MPZL1: variants seen among roughly 807,000 people sequenced by gnomAD.
MPZL1 encodes myelin protein zero-like protein 1.
Under a neutral mutation model 29.3 loss-of-function variants are expected in MPZL1, and 16 were observed. That is an observed-to-expected ratio of 0.55 (90% CI 0.37 to 0.83). MPZL1 has a LOEUF of 0.83. MPZL1 is among the 40% of genes least tolerant of loss of function. The pLI, the probability that MPZL1 is intolerant of heterozygous loss-of-function variation, is 0.00. For missense variants in MPZL1, 279 were observed against 332.9 expected (o/e 0.84, Z 1.26); for synonymous variants, 143 against 132.0 (o/e 1.08, Z -0.57).
chr1:167,743,200 TATC>T (rs971786498), intron 1 of MPZL1, among the ~76,000 whole-genome samples: 1 of 151,852 alleles, frequency 6.6e-6, no homozygotes, highest in African/African-American at 2.4e-5. Context: ...CTTTTGGCAG[TATC>T]ATCATTTTCA....
intron 5 of MPZL1, among the ~76,000 whole-genome samples, chr1:167,777,630 CT>C (rs1253770507): frequency 1.7e-4 from 26 of 152,314 alleles, no homozygotes; most frequent in African/African-American, 5.8e-4. Flanking sequence ...GCGGGGTCCC[CT>C]TGAGTCTTTG....
At chr1:167,739,878 A>G (rs748759974) in intron 1 of MPZL1, among the ~76,000 whole-genome samples, 9 of 152,112 alleles carry the variant, frequency 5.9e-5, no homozygotes, top group Non-Finnish European at 1.2e-4. Context: ...TTCAAGCACC[A>G]TATCCTTTTA....
chr1:167,737,671 C>T (rs1660403201), intron 1 of MPZL1, among the ~76,000 whole-genome samples: 1 of 152,170 alleles, frequency 6.6e-6, no homozygotes, highest in Non-Finnish European at 1.5e-5. Context: ...TAGCCTAAAA[C>T]ACCCCTTTCT....
At chr1:167,737,228 A>G (rs1274811123) in intron 1 of MPZL1, among the ~76,000 whole-genome samples, 1 of 152,242 alleles carries the variant, frequency 6.6e-6, no homozygotes, top group Admixed American at 6.5e-5. Context: ...TGTTTAGTAT[A>G]TATTAGATGA....
intron 1 of MPZL1, among the ~76,000 whole-genome samples, chr1:167,760,128 A>G (rs1314890799): frequency 1.3e-5 from 2 of 152,334 alleles, no homozygotes; most frequent in Non-Finnish European, 1.5e-5. Context: ...GTGAAAGATG[A>G]CAGTGGCTTG....
In MPZL1 at chr1:167,776,207, A is replaced by G. The variant is rs746302861; in HGVS notation, c.708+41A>G. 15 of 1,451,092 alleles carry G rather than the reference A, an allele frequency of 1.0e-5. No individual in the cohort carries two copies. The South Asian group carries it at 1.1e-4, about 10-fold the overall frequency. 89.9% of individuals were successfully genotyped at this position (1,451,092 alleles called of 1,614,324 possible). On this transcript the variant is annotated intron_variant, in intron 5 of 5. Transcript: ENST00000359523. ...GATTCTGCCCACTGCACTGTTCCCT[A>G]CAGCTTGGTGCTCTGTCACTTCCTT...
chr1:167,745,784 C>G (rs1370771648), intron 1 of MPZL1, among the ~76,000 whole-genome samples: 1 of 151,956 alleles, frequency 6.6e-6, no homozygotes, highest in African/African-American at 2.4e-5. Flanking sequence ...TGCCAGAAGC[C>G]AGGGAGACGC....
intron 1 of MPZL1, among the ~76,000 whole-genome samples, chr1:167,730,075 T>C (rs1286459979): frequency 6.6e-6 from 1 of 152,148 alleles, no homozygotes; most frequent in Non-Finnish European, 1.5e-5. Context: ...GCTTTTTAGC[T>C]GTCCTGGGGC....
At chr1:167,739,298 T>TATAC (rs1660462298) in intron 1 of MPZL1, among the ~76,000 whole-genome samples, 1 of 116,714 alleles carries the variant, frequency 8.6e-6, no homozygotes, top group African/African-American at 4.7e-5. Flanking sequence ...TATATATATA[T>TATAC]ATATATATAT....
intron 1 of MPZL1, among the ~76,000 whole-genome samples, chr1:167,724,903 T>C (rs1660110464): frequency 6.6e-6 from 1 of 151,972 alleles, no homozygotes; most frequent in Non-Finnish European, 1.5e-5. Context: ...AGTTTTGGGG[T>C]ATATGAAACC....
chr1:167,773,142 G>A, intron 3 of MPZL1, 94 bp from the exon 4 acceptor site: 2 of 1,346,678 alleles, frequency 1.5e-6, no homozygotes, highest in African/African-American at 2.9e-5. Flanking sequence ...TACGGTAACT[G>A]CTAAATGAAG....
At chr1:167,759,585 G>A (rs1168600477) in intron 1 of MPZL1, among the ~76,000 whole-genome samples, 3 of 152,230 alleles carry the variant, frequency 2.0e-5, no homozygotes, top group Non-Finnish European at 4.4e-5. Context: ...CTGCGGCTCT[G>A]TGCTTGGCAA....
chr1:167,781,238 T>C (rs1183524756), intron 5 of MPZL1, among the ~76,000 whole-genome samples: 3 of 152,164 alleles, frequency 2.0e-5, no homozygotes, highest in African/African-American at 7.2e-5. Context: ...GACTTAACAG[T>C]GAAACCAGTT....
intron 1 of MPZL1, among the ~76,000 whole-genome samples, chr1:167,739,290 T>TATATATATATAC (rs1660460169): frequency 1.1e-5 from 1 of 92,768 alleles, no homozygotes; most frequent in African/African-American, 5.4e-5. Flanking sequence ...TACATATATA[T>TATATATATATAC]ATATATATAT....
intron 1 of MPZL1, among the ~76,000 whole-genome samples, chr1:167,755,072 T>G (rs1660839641): frequency 6.6e-6 from 1 of 152,230 alleles, no homozygotes; most frequent in Admixed American, 6.5e-5. Context: ...CTTTCTGTTG[T>G]ACGTTGTATG....
chr1:167,772,271 G>A lies in MPZL1; in HGVS notation c.259-4G>A. 6.2e-7 allele frequency: 1 copy of A among 1,603,370 alleles called. No individual in the cohort carries two copies. Among genetic ancestry groups the A allele is most frequent in the Non-Finnish European group, 8.5e-7 (1 of 1,173,262 alleles). On this transcript the variant is annotated splice_polypyrimidine_tract_variant and splice_region_variant and intron_variant, in intron 2 of 5. Transcript: ENST00000359523. ...GTTCATGTGTTCCTTTTTTCTAATT[G>A]CAGTTTTTCCACTACTCCCAAGGGC...
At chr1:167,744,346 G>A (rs2101761445) in intron 1 of MPZL1, among the ~76,000 whole-genome samples, 1 of 152,044 alleles carries the variant, frequency 6.6e-6, no homozygotes, top group South Asian at 2.1e-4. Flanking sequence ...CTTTTGATGT[G>A]TAAAACAATT....
intron 1 of MPZL1, among the ~76,000 whole-genome samples, chr1:167,724,052 C>T (rs758888036): frequency 9.9e-5 from 15 of 152,122 alleles, no homozygotes; most frequent in Non-Finnish European, 1.9e-4. Flanking sequence ...GCCTTTTCCT[C>T]GCAAGCAGCT....
chr1:167,743,187 T>C (rs560130593), intron 1 of MPZL1, among the ~76,000 whole-genome samples: 6 of 152,070 alleles, frequency 3.9e-5, no homozygotes, highest in African/African-American at 1.4e-4. Context: ...AATTTGTAGA[T>C]TACTTTTGGC....
Sources: allele counts gnomAD v4.1 joint callset (sites outside exome capture counted in the v4.1 genomes callset), GRCh38; gene constraint gnomAD v4.1.1; transcripts MANE v1.5; gene names NCBI Gene and HGNC (gene_info 2026-07-23, HGNC 2026-07-21).